BCAT1: variants seen among roughly 807,000 people sequenced by gnomAD.
BCAT1 encodes the protein branched chain amino acid transaminase 1, also known as branched-chain-amino-acid aminotransferase, cytosolic.
A neutral mutation model predicts 52.4 loss-of-function variants in BCAT1; 48 were observed. The ratio of observed to expected loss-of-function variants is 0.92; its 90% confidence interval spans 0.73 to 1.16. The LOEUF is 1.16. Ranked by LOEUF, BCAT1 falls within the 50% of genes most tolerant of loss-of-function variation. The probability of loss-of-function intolerance (pLI) is 0.00; values close to 1 mark genes in which losing one functional copy is unlikely to be tolerated. For missense variants in BCAT1, 451 were observed against 457.1 expected, an observed-to-expected ratio of 0.99 and a Z score of 0.12; for synonymous variants, 167 against 161.3, an observed-to-expected ratio of 1.04 and a Z score of -0.27.
At chr12:24,889,136 G>A (rs1271806991) in intron 3 of BCAT1, among the ~76,000 whole-genome samples, 2 of 152,052 alleles carry the variant, frequency 1.3e-5, no homozygotes, top group African/African-American at 2.4e-5. Context: ...CTTTTCCCTC[G>A]AAGATCCCTC....
At chr12:24,821,465 TG>T (rs1940123567) in intron 10 of BCAT1, among the ~76,000 whole-genome samples, 1 of 152,178 alleles carries the variant, frequency 6.6e-6, no homozygotes, top group African/African-American at 2.4e-5. Flanking sequence ...TGTGATTATT[TG>T]TTGACAGCAG....
chr12:24,850,431 G>A (rs115176176), intron 5 of BCAT1, among the ~76,000 whole-genome samples: 3,888 of 152,266 alleles, frequency 0.026, 143 homozygotes, highest in African/African-American at 0.089. Flanking sequence ...AGGTGCAGGC[G>A]AATGTGTCAT....
At chr12:24,908,404 C>T (rs11047700) in intron 1 of BCAT1, among the ~76,000 whole-genome samples, 21,586 of 152,144 alleles carry the variant, frequency 0.14, 2,251 homozygotes, top group African/African-American at 0.29. Context: ...ATTGAGAAAC[C>T]GAATTTTTAA....
intron 3 of BCAT1, among the ~76,000 whole-genome samples, chr12:24,882,525 C>T (rs990621347): frequency 1.5e-4 from 23 of 151,978 alleles, no homozygotes; most frequent in African/African-American, 5.1e-4. Context: ...TTAGATTGGA[C>T]TCAGCTGACA....
intron 6 of BCAT1, among the ~76,000 whole-genome samples, chr12:24,843,155 T>C (rs1349527543): frequency 6.6e-6 from 1 of 151,720 alleles, no homozygotes; most frequent in Non-Finnish European, 1.5e-5. Flanking sequence ...AAACAAACAA[T>C]GAAAAACAAC....
intron 1 of BCAT1, among the ~76,000 whole-genome samples, chr12:24,941,565 C>A (rs1943849133): frequency 6.6e-6 from 1 of 152,112 alleles, no homozygotes; most frequent in African/African-American, 2.4e-5. Flanking sequence ...TTTAACTCAA[C>A]CAATATCTGT....
chr12:24,830,181 G>A lies in BCAT1; in HGVS notation c.1045-284C>T, dbSNP rs1257839658. On this transcript the variant is annotated intron_variant, in intron 9 of 10. Transcript: ENST00000261192. ...CCTTCAGGATCATTTGAAGAACCAAGGAGGAGCTACAGTTACCTAAAATAG... is the reference window on the plus strand; with the variant it reads ...CCTTCAGGATCATTTGAAGAACCAAAGAGGAGCTACAGTTACCTAAAATAG... 6.3e-5 allele frequency: 18 copies of A among 284,750 alleles called. No individual in the cohort carries two copies. The East Asian group carries it at 9.8e-4, about 16-fold the overall frequency. The allele number at this position is 284,750 out of a possible 1,614,324, so 17.6% of individuals were successfully genotyped here.
At chr12:24,946,714 C>A (rs74070631) in intron 1 of BCAT1, among the ~76,000 whole-genome samples, 3,320 of 152,226 alleles carry the variant, frequency 0.022, 122 homozygotes, top group African/African-American at 0.076. Context: ...GATCGCTCTG[C>A]GCTATTTTTC....
At position 24,949,034 on chromosome 12, in the gene BCAT1, T is replaced by C. The variant is rs950228391; in HGVS notation, c.-102A>G. The C allele has an allele frequency of 2.3e-6, 3 of 1,316,168 alleles. No homozygotes were observed. Among genetic ancestry groups the C allele is most frequent in the African/African-American group, 3.0e-5 (2 of 67,668 alleles). 81.5% of individuals were successfully genotyped at this position (1,316,168 alleles called of 1,614,324 possible). ...CCGGGTCTGCGGCTGCAGAGCGCGGTCCCGGCTGCAGCAAGACCTGGGGCA... is the reference window on the plus strand; with the variant it reads ...CCGGGTCTGCGGCTGCAGAGCGCGGCCCCGGCTGCAGCAAGACCTGGGGCA... On this transcript the variant is annotated 5_prime_UTR_variant, in exon 1 of 11. Coordinates refer to ENST00000261192, the MANE Select transcript of BCAT1 (RefSeq NM_005504.7).
intron 5 of BCAT1, among the ~76,000 whole-genome samples, chr12:24,865,094 G>T (rs1271600615): frequency 6.6e-6 from 1 of 152,096 alleles, no homozygotes; most frequent in Non-Finnish European, 1.5e-5. Flanking sequence ...TCTATCTACA[G>T]TTCTCCCCTT....
intron 1 of BCAT1, among the ~76,000 whole-genome samples, chr12:24,905,998 G>A (rs1033334898): frequency 6.6e-6 from 1 of 151,430 alleles, no homozygotes; most frequent in Non-Finnish European, 1.5e-5. Context: ...GTGGCAGCCT[G>A]GGCAACATGG....
intron 1 of BCAT1, 116 bp from the exon 2 acceptor site, chr12:24,902,001 AC>A: frequency 1.3e-6 from 2 of 1,596,270 alleles, no homozygotes; most frequent in South Asian, 1.1e-5. Context: ...CCAGGCAAAC[AC>A]AAAAAAGGAG....
At chr12:24,936,295 C>G (rs1297382204) in intron 1 of BCAT1, among the ~76,000 whole-genome samples, 2 of 152,192 alleles carry the variant, frequency 1.3e-5, no homozygotes, top group African/African-American at 4.8e-5. Flanking sequence ...TGCAGTGGCA[C>G]AATCTTAGCT....
At chr12:24,906,008 G>A (rs1943220396) in intron 1 of BCAT1, among the ~76,000 whole-genome samples, 1 of 151,348 alleles carries the variant, frequency 6.6e-6, no homozygotes. Context: ...GGGCAACATG[G>A]CAAAACCCTG....
intron 1 of BCAT1, among the ~76,000 whole-genome samples, chr12:24,926,244 G>A (rs1046451565): frequency 1.3e-4 from 19 of 149,320 alleles, no homozygotes; most frequent in Admixed American, 3.3e-4. Context: ...CGGCCGCCCC[G>A]TCTGAGAAGT....
At position 24,815,617 on chromosome 12, in the gene BCAT1, A is replaced by G. The variant is rs1000451600; in HGVS notation, c.*2391T>C. The G allele has an allele frequency of 6.6e-6, 1 of 152,250 alleles. No homozygotes were observed. Among genetic ancestry groups the G allele is most frequent in the Admixed American group, 6.5e-5 (1 of 15,270 alleles). The allele number at this position is 152,250 out of a possible 1,614,324, so 9.4% of individuals were successfully genotyped here. A position where few individuals can be genotyped will look rare whatever the true frequency, so the allele number is the denominator to read the frequency against. On this transcript the variant is annotated 3_prime_UTR_variant, in exon 11 of 11. Coordinates refer to ENST00000261192, the MANE Select transcript of BCAT1 (RefSeq NM_005504.7). ...TAAATCTATTTAACAAGAAAGCGTC[A>G]AGGTCAATTTCCTGTCTTATTACTT...
At position 24,815,125 on chromosome 12, in the gene BCAT1, G is replaced by T. The variant is rs144217369; in HGVS notation, c.*2883C>A. 3 of 152,198 alleles carry T rather than the reference G, an allele frequency of 2.0e-5. No homozygotes were observed. In the East Asian group the frequency reaches 5.8e-4, roughly 29 times the overall value. The allele number at this position is 152,198 out of a possible 1,614,324, so 9.4% of individuals were successfully genotyped here. On this transcript the variant is annotated 3_prime_UTR_variant, in exon 11 of 11. Transcript: ENST00000261192. Reference sequence around the variant, plus strand: ...GCAAATCTTTTTAGGAACTGCTCAGGTTTTGCCTTTGTCTTGACACTTCAT... The same window carrying T: ...GCAAATCTTTTTAGGAACTGCTCAGTTTTTGCCTTTGTCTTGACACTTCAT...
At chr12:24,938,230 G>A (rs931516836) in intron 1 of BCAT1, among the ~76,000 whole-genome samples, 5 of 152,176 alleles carry the variant, frequency 3.3e-5, no homozygotes, top group African/African-American at 1.2e-4. Context: ...ACAGTACTGG[G>A]CAGGGTGAAG....
intron 5 of BCAT1, among the ~76,000 whole-genome samples, chr12:24,874,403 T>C (rs1356949575): frequency 6.6e-6 from 1 of 152,198 alleles, no homozygotes; most frequent in African/African-American, 2.4e-5. Flanking sequence ...ATGAAATATT[T>C]TAAGTCCATC....
Sources: allele counts gnomAD v4.1 joint callset (sites outside exome capture counted in the v4.1 genomes callset), GRCh38; gene constraint gnomAD v4.1.1; transcripts MANE v1.5; gene names NCBI Gene and HGNC (gene_info 2026-07-23, HGNC 2026-07-21).